ADGRL2: variants seen among roughly 807,000 people sequenced by gnomAD.
ADGRL2 encodes the protein adhesion G protein-coupled receptor L2, also known as calcium-independent alpha-latrotoxin receptor 2.
ADGRL2 carries 44 observed loss-of-function variants against 157.4 expected under a neutral mutation model. The observed-to-expected ratio is 0.28, with a 90% CI of 0.22 to 0.36. The LOEUF is 0.36. Ranked by LOEUF, ADGRL2 falls within the 10% of genes least tolerant of loss-of-function variation. The pLI, the probability that ADGRL2 is intolerant of heterozygous loss-of-function variation, is 1.00. For missense variants in ADGRL2, 1,510 were observed against 1,768.9 expected, an observed-to-expected ratio of 0.85 and a Z score of 2.63; for synonymous variants, 585 against 624.7, an observed-to-expected ratio of 0.94 and a Z score of 0.95.
Position 81,836,998 on chromosome 1 carries a change from G to C in ADGRL2, c.14G>C (p.Gly5Ala). 6.3e-7 allele frequency: 1 copy of C among 1,591,456 alleles called. No homozygotes were observed. The highest frequency in any genetic ancestry group is 8.6e-7 in the Non-Finnish European group (1 of 1,169,416). Reference protein sequence around the residue: MVSSGCRMRSLWFII... With the variant: MVSSACRMRSLWFII... ...AAGGGATCAATAATGGTGTCTTCTG[G>C]TTGCAGAATGCGAAGTCTGTGGTTT... Residue 5 changes from glycine to alanine, a missense_variant, in exon 2 of 24, where the codon GGT becomes GCT. By Grantham distance (60) the Gly-to-Ala change is moderately conservative. Coordinates refer to ENST00000686636, the MANE Select transcript of ADGRL2 (RefSeq NM_001366006.2).
intron 1 of ADGRL2, chr1:81,722,370 T>G (rs2084361482): frequency 1.3e-6 from 1 of 753,874 alleles, no homozygotes; most frequent in African/African-American, 1.7e-5. Context: ...ATTGAAGCCC[T>G]AAATGATGGT....
rs187278713 is a variant in ADGRL2, at chr1:81,377,433, G to A, written c.-301-67603G>A. On this transcript the variant is annotated intron_variant, in intron 1 of 24. Transcript: ENST00000370721. Reference sequence around the variant, plus strand: ...TTAGTTATTATCAGTATCAAAATTAGCAAAATCTTAACTTTGGACCTGTGT... The same window carrying A: ...TTAGTTATTATCAGTATCAAAATTAACAAAATCTTAACTTTGGACCTGTGT... 2.5e-3 allele frequency among the ~76,000 whole-genome samples: 382 copies of A among 152,142 alleles called. 5 individuals carry two copies. Among genetic ancestry groups the A allele is most frequent in the Non-Finnish European group, 4.4e-3 (299 of 67,996 alleles).
At chr1:81,434,495 C>T (rs1393378413) in intron 1 of ADGRL2, among the ~76,000 whole-genome samples, 5 of 151,916 alleles carry the variant, frequency 3.3e-5, no homozygotes, top group Non-Finnish European at 7.4e-5. Flanking sequence ...AGAAGAGTGT[C>T]TGGTGCTTGA....
chr1:81,885,958 A>G (rs1199810151), intron 2 of ADGRL2, among the ~76,000 whole-genome samples: 1 of 152,180 alleles, frequency 6.6e-6, no homozygotes, highest in African/African-American at 2.4e-5. Flanking sequence ...ATAACAGTTA[A>G]CTGAAATTAA....
chr1:81,851,808 C>T (rs999615319), intron 2 of ADGRL2, among the ~76,000 whole-genome samples: 30 of 149,096 alleles, frequency 2.0e-4, no homozygotes, highest in South Asian at 1.5e-3. Flanking sequence ...TTTCCACGTA[C>T]GTTTGCAAAT....
chr1:81,822,217 A>G (rs1385409385), intron 1 of ADGRL2, among the ~76,000 whole-genome samples: 1 of 150,120 alleles, frequency 6.7e-6, no homozygotes, highest in African/African-American at 2.5e-5. Flanking sequence ...AAAGATGATA[A>G]AAGTGTTTTC....
intron 19 of ADGRL2, among the ~76,000 whole-genome samples, chr1:81,982,532 G>A (rs534785650): frequency 6.6e-6 from 1 of 152,028 alleles, no homozygotes; most frequent in South Asian, 2.1e-4. Context: ...GCAAGAAGAT[G>A]TAAACCTAAG....
intron 1 of ADGRL2, among the ~76,000 whole-genome samples, chr1:81,731,845 C>T (rs2084735230): frequency 6.6e-6 from 1 of 152,124 alleles, no homozygotes. Context: ...TCCTGTGCTC[C>T]TGGCACTGTG....
At chr1:81,926,515 A>T (rs938544045) in intron 3 of ADGRL2, among the ~76,000 whole-genome samples, 2 of 152,006 alleles carry the variant, frequency 1.3e-5, no homozygotes, top group African/African-American at 2.4e-5. Flanking sequence ...CCCTTGTTAA[A>T]AATGTGATAG....
rs142461133 is a variant in ADGRL2 at position 81,683,655 on chromosome 1, A to ATGTG, written c.-142-78142_-142-78139dup. 9.8e-3 allele frequency among the ~76,000 whole-genome samples: 1,481 copies of ATGTG among 150,852 alleles called. 19 individuals carry two copies. Among genetic ancestry groups the ATGTG allele is most frequent in the African/African-American group, 0.028 (1,156 of 41,104 alleles). Reference sequence around the variant, plus strand: ...TTTTATGGCTGCGTAGTATTCCATTATGTGTGTGTGTGTGTGTATGTATGT... The same window carrying ATGTG: ...TTTTATGGCTGCGTAGTATTCCATTATGTGTGTGTGTGTGTGTGTGTATGTATGT... On this transcript the variant is annotated intron_variant, in intron 3 of 24. Coordinates refer to the ADGRL2 transcript ENST00000370721.
At chr1:81,642,248 CAA>C (rs35830955) in intron 3 of ADGRL2, among the ~76,000 whole-genome samples, 5 of 61,630 alleles carry the variant, frequency 8.1e-5, no homozygotes, top group East Asian at 4.7e-4. Context: ...ACTCTGTCTC[CAA>C]AAAAAAAAAA....
In ADGRL2 at chr1:81,990,520, TAA is replaced by T; in HGVS notation, c.3786_3787del (p.Leu1264GlufsTer2). ...AGCGTGCAAGTTGTGGACTGTGGAC[TAA>T]GTCTGAATGATACTGCTTTTGAGAA... On this transcript the variant is annotated frameshift_variant, in exon 24 of 24. Coordinates refer to ENST00000686636, the MANE Select transcript of ADGRL2 (RefSeq NM_001366006.2). LOFTEE classifies it high-confidence loss of function. 1 of 1,614,166 alleles carries T rather than the reference TAA, an allele frequency of 6.2e-7. No homozygotes were observed. The highest frequency in any genetic ancestry group is 8.5e-7 in the Non-Finnish European group (1 of 1,180,008).
chr1:81,327,990 A>C (rs926856705), intron 1 of ADGRL2, among the ~76,000 whole-genome samples: 1 of 152,148 alleles, frequency 6.6e-6, no homozygotes, highest in Non-Finnish European at 1.5e-5. Flanking sequence ...GGCTAAAATC[A>C]CTTCTTTGAA....
rs985685684 is a variant in ADGRL2 at position 81,943,166 on chromosome 1, A to G, written c.607A>G (p.Thr203Ala). 6.2e-7 allele frequency: 1 copy of G among 1,613,592 alleles called. No individual in the cohort carries two copies. The change falls in exon 6 of 24, where the codon ACA (threonine) becomes GCA (alanine). Residue 203 changes from threonine (T) to alanine (A), a missense_variant. This residue lies in a region of ADGRL2 where 361 missense variants were observed against 498.4 expected (regional missense o/e 0.72). Coordinates refer to ENST00000686636, the MANE Select transcript of ADGRL2 (RefSeq NM_001366006.2). This position sits in a 1 kb window ranked among gnomAD's most constrained non-coding sequence, Gnocchi z 5.6. ...AGATTTCCAAAATAGTCGCCAAACA[A>G]CAACATATAAACTTCCAAATCGAGT... The part of the protein sequence containing the change: ...LEDFQNSRQT[T>A]TYKLPNRVDG...
rs1406609520 is a variant in ADGRL2, at chr1:81,400,343, A to C, written c.-301-44693A>C. Among the ~76,000 whole-genome samples, 3 of 152,046 alleles carry C rather than the reference A, an allele frequency of 2.0e-5. No homozygotes were observed. In the East Asian group the frequency reaches 5.8e-4, roughly 30 times the overall value. ...TGGTAGCACCTGGACTTTGGGATTC[A>C]AGTTTGCTCTCTGTGGCAGAGATGA... On this transcript the variant is annotated intron_variant, in intron 1 of 24. Transcript: ENST00000370721.
chr1:81,471,250 C>A (rs2078166052), intron 2 of ADGRL2, among the ~76,000 whole-genome samples: 1 of 152,124 alleles, frequency 6.6e-6, no homozygotes, highest in African/African-American at 2.4e-5. Flanking sequence ...CTTCAGACCA[C>A]CACAAATCCA....
intron 2 of ADGRL2, among the ~76,000 whole-genome samples, chr1:81,529,598 G>T (rs1023866220): frequency 6.6e-5 from 10 of 152,152 alleles, no homozygotes; most frequent in Non-Finnish European, 1.5e-4. Context: ...CAAAATGCTG[G>T]CATTATTTTT....
chr1:81,897,741 T>C (rs529554859), intron 2 of ADGRL2, among the ~76,000 whole-genome samples: 7 of 152,330 alleles, frequency 4.6e-5, no homozygotes, highest in African/African-American at 1.4e-4. Context: ...AATTTTTACC[T>C]TGTAGCTTGC....
At chr1:81,944,070 C>T (rs1373731308) in intron 6 of ADGRL2, among the ~76,000 whole-genome samples, 1 of 151,992 alleles carries the variant, frequency 6.6e-6, no homozygotes, top group Non-Finnish European at 1.5e-5. Context: ...TTTTCCCCTA[C>T]TTGACTGCTG....
Sources: gnomAD v4.1 joint callset for allele counts (sites outside exome capture counted in the v4.1 genomes callset) on GRCh38, gnomAD v4.1.1 for gene constraint, gnomAD v4.1.1 regional missense constraint, Gnocchi (gnomAD v3.1) non-coding constraint, MANE v1.5 for transcripts, NCBI Gene and HGNC (gene_info 2026-07-23, HGNC 2026-07-21) for gene names.